The following CALD1 variants were observed in gnomAD, a reference collection of about 807,000 sequenced individuals.
CALD1 encodes the protein caldesmon.
In CALD1, 33 loss-of-function variants were observed where a neutral mutation model predicts 99.9. The observed-to-expected ratio is 0.33, with a 90% confidence interval of 0.25 to 0.44. CALD1 has a LOEUF of 0.44. CALD1 is among the 20% of genes least tolerant of loss of function. The pLI is 1.00. For missense variants in CALD1, 861 were observed against 962.1 expected (o/e 0.89, Z 1.39); for synonymous variants, 310 against 325.0 (o/e 0.95, Z 0.50).
At chr7:134,959,896 T>G (rs1260263959) in intron 11 of CALD1, 78 bp from the exon 12 acceptor site, 1 of 1,459,394 alleles carries the variant, frequency 6.9e-7, no homozygotes. Flanking sequence ...ATGATAATGT[T>G]GAGGAAGACA....
the CALD1 span, among the ~76,000 whole-genome samples, chr7:134,719,536 T>A: frequency 7.9e-5 from 12 of 152,094 alleles, no homozygotes; most frequent in Admixed American, 7.9e-4. Flanking sequence ...GGGGCAGTCA[T>A]CATTGTCTCC....
chr7:134,826,766 T>G (rs567399192), intron 1 of CALD1, among the ~76,000 whole-genome samples: 85 of 152,162 alleles, frequency 5.6e-4, no homozygotes, highest in Non-Finnish European at 9.6e-4. Context: ...ATCTCAATAT[T>G]TCTGAGAATC....
At chr7:134,729,987 A>G in the CALD1 span, among the ~76,000 whole-genome samples, 1 of 152,144 alleles carries the variant, frequency 6.6e-6, no homozygotes, top group African/African-American at 2.4e-5. Flanking sequence ...CGGTCCCTGA[A>G]GACAGAGATT....
chr7:134,864,302 G>A (rs10232569), intron 2 of CALD1, among the ~76,000 whole-genome samples: 98,273 of 149,642 alleles, frequency 0.66, 32,724 homozygotes, highest in East Asian at 0.94. Context: ...AGCCGAGATC[G>A]CGCCATTGCA....
At chr7:134,802,420 T>TAATG (rs71309393) in intron 1 of CALD1, among the ~76,000 whole-genome samples, 88,406 of 151,612 alleles carry the variant, frequency 0.58, 26,331 homozygotes, top group East Asian at 0.91. Context: ...TTTTTAAACT[T>TAATG]AATAATATTT....
At chr7:134,778,985 T>C (rs545799422), upstream of CALD1, among the ~76,000 whole-genome samples, 64 of 152,350 alleles carry the variant, frequency 4.2e-4, no homozygotes, top group South Asian at 0.011. Flanking sequence ...CTTATTTTTA[T>C]AACACATGCA....
the CALD1 span, among the ~76,000 whole-genome samples, chr7:134,738,414 C>G: frequency 1.3e-5 from 2 of 152,184 alleles, no homozygotes; most frequent in Non-Finnish European, 2.9e-5. Flanking sequence ...ATTAGAGGTT[C>G]TTTCATCTAC....
At chr7:134,798,428 C>A (rs1797828621) in intron 1 of CALD1, among the ~76,000 whole-genome samples, 2 of 152,326 alleles carry the variant, frequency 1.3e-5, no homozygotes, top group South Asian at 4.1e-4. Flanking sequence ...CAGCATCACA[C>A]CCCCTCCCAC....
intron 3 of CALD1, among the ~76,000 whole-genome samples, chr7:134,902,965 T>C (rs538023586): frequency 1.3e-5 from 2 of 152,076 alleles, no homozygotes; most frequent in Admixed American, 6.5e-5. Context: ...ACCCAGACAA[T>C]AGAATATTAC....
intron 11 of CALD1, 117 bp downstream of exon 11, chr7:134,958,407 ATTT>A (rs5887717): frequency 0.019 from 10,067 of 517,894 alleles, no homozygotes; most frequent in Middle Eastern, 0.023. Flanking sequence ...GAGTGTTAGA[ATTT>A]TTTTTTTTTT....
the CALD1 span, among the ~76,000 whole-genome samples, chr7:134,717,495 C>T: frequency 4.6e-5 from 7 of 152,170 alleles, no homozygotes; most frequent in Non-Finnish European, 8.8e-5. Flanking sequence ...ACTAAATGTA[C>T]CTGCTTTGAT....
chr7:134,928,661 T>C (rs1805247568), intron 3 of CALD1, 93 bp from the exon 4 acceptor site: 1 of 1,243,180 alleles, frequency 8.0e-7, no homozygotes, highest in Non-Finnish European at 1.1e-6. Context: ...AGCAGTGAAG[T>C]TCAGAAAAGG....
At chr7:134,744,127 T>C (rs546404013), upstream of CALD1, 1 of 152,346 alleles carries the variant, frequency 6.6e-6, no homozygotes, top group East Asian at 1.9e-4. Context: ...GGTTAAGCCC[T>C]TGGCCAATGG....
intron 2 of CALD1, among the ~76,000 whole-genome samples, chr7:134,848,280 C>T (rs1799935027): frequency 2.0e-5 from 3 of 152,090 alleles, no homozygotes; most frequent in Admixed American, 2.0e-4. Flanking sequence ...TTCCTCCTCC[C>T]TTTCGCTAAT....
chr7:134,882,615 A>T (rs1423390347), intron 3 of CALD1, among the ~76,000 whole-genome samples: 1 of 152,244 alleles, frequency 6.6e-6, no homozygotes, highest in African/African-American at 2.4e-5. Flanking sequence ...TTCTCTAATG[A>T]AGGATCAAGC....
At chr7:134,914,951 A>G (rs1804100285) in intron 3 of CALD1, among the ~76,000 whole-genome samples, 1 of 152,238 alleles carries the variant, frequency 6.6e-6, no homozygotes, top group Non-Finnish European at 1.5e-5. Flanking sequence ...TCAGGGGTTG[A>G]ATTTATCTTG....
chr7:134,765,187 C>G (rs180790072), intron 1 of CALD1, among the ~76,000 whole-genome samples: 8 of 151,806 alleles, frequency 5.3e-5, no homozygotes, highest in African/African-American at 1.9e-4. Context: ...TGGTGGTGCA[C>G]GCCTGTAATC....
At chr7:134,888,875 G>C (rs976953685) in intron 3 of CALD1, among the ~76,000 whole-genome samples, 5 of 152,224 alleles carry the variant, frequency 3.3e-5, no homozygotes, top group African/African-American at 1.2e-4. Context: ...CCTGTGTACA[G>C]CTGGCAATTA....
chr7:134,734,826 T>G, the CALD1 span: 1 of 153,234 alleles, frequency 6.5e-6, no homozygotes, highest in Non-Finnish European at 1.5e-5. Context: ...CTTTCCTTTA[T>G]AAATGACCCA....
Sources: allele counts gnomAD v4.1 joint callset (sites outside exome capture counted in the v4.1 genomes callset), GRCh38; gene constraint gnomAD v4.1.1; transcripts MANE v1.5; gene names NCBI Gene and HGNC (gene_info 2026-07-23, HGNC 2026-07-21).